The following CSMD1 variants were observed in gnomAD, a reference collection of about 807,000 sequenced individuals.
CSMD1 encodes the protein CUB and sushi domain-containing protein 1.
A neutral mutation model predicts 417.5 loss-of-function variants in CSMD1; 213 were observed. That is an observed-to-expected ratio of 0.51 (90% CI 0.46 to 0.57). The LOEUF (loss-of-function observed/expected upper bound fraction) is 0.57. Among genes scored for constraint, CSMD1 ranks in the 20% least tolerant of loss-of-function variants. The pLI is 0.00. For synonymous variants in CSMD1, 2,862 were observed against 1,736.8 expected, an observed-to-expected ratio of 1.65 and a Z score of -16.11; for missense variants, 6,923 against 4,529.7, an observed-to-expected ratio of 1.53 and a Z score of -15.17.
In CSMD1 at chr8:3,367,111, C is replaced by T. The variant is rs781560735; in HGVS notation, c.3036G>A (p.Leu1012=). 6 of 1,613,666 alleles carry T rather than the reference C, an allele frequency of 3.7e-6. No homozygotes were observed. The highest frequency in any genetic ancestry group is 2.2e-5 in the East Asian group (1 of 44,862). The part of the protein sequence containing the change: ...SVLPHTIKAG[L]FGNFTAQLRF... ...GAAGCTGGGCAGTGAAGTTTCCAAA[C>T]AGGCCTGCCTTGATCGTATGAGGCA... The change falls in exon 20 of 70, where the codon CTG becomes CTA. Residue 1012 remains leucine (L), a synonymous_variant. Transcript: ENST00000635120.
At chr8:4,776,338 G>A (rs1796851711) in intron 1 of CSMD1, among the ~76,000 whole-genome samples, 1 of 152,076 alleles carries the variant, frequency 6.6e-6, no homozygotes. Context: ...TGAAAATATT[G>A]CTACTAAGTT....
chr8:3,116,468 A>G (rs1474682975), intron 42 of CSMD1, among the ~76,000 whole-genome samples: 1 of 152,172 alleles, frequency 6.6e-6, no homozygotes, highest in East Asian at 1.9e-4. Context: ...TGATAGTTTT[A>G]GAGATGTCTC....
At chr8:4,547,507 C>A (rs919692214) in intron 2 of CSMD1, among the ~76,000 whole-genome samples, 5 of 152,038 alleles carry the variant, frequency 3.3e-5, no homozygotes, top group Non-Finnish European at 5.9e-5. Context: ...TTTTTTCTAC[C>A]AGGTCCCTAT....
At chr8:3,046,690 A>C (rs1811467060) in intron 50 of CSMD1, among the ~76,000 whole-genome samples, 1 of 152,076 alleles carries the variant, frequency 6.6e-6, no homozygotes, top group East Asian at 1.9e-4. Flanking sequence ...CCGGTGTCTA[A>C]TCAAATCATT....
intron 7 of CSMD1, among the ~76,000 whole-genome samples, chr8:3,642,122 C>A (rs535656115): frequency 2.1e-4 from 32 of 152,044 alleles, no homozygotes; most frequent in African/African-American, 7.7e-4. Flanking sequence ...AAAATGGAAA[C>A]TGGAAACTCA....
intron 23 of CSMD1, among the ~76,000 whole-genome samples, chr8:3,321,388 A>AG (rs1453615165): frequency 6.6e-6 from 1 of 152,130 alleles, no homozygotes; most frequent in Non-Finnish European, 1.5e-5. Context: ...AAGCTCCCTT[A>AG]CGGCTGCAGC....
intron 33 of CSMD1, among the ~76,000 whole-genome samples, chr8:3,192,614 A>T (rs939484568): frequency 6.6e-6 from 1 of 152,216 alleles, no homozygotes; most frequent in South Asian, 2.1e-4. Context: ...GCACTTTGGC[A>T]CAACGGAGAA....
At chr8:3,088,843 T>A (rs1312438899) in intron 48 of CSMD1, among the ~76,000 whole-genome samples, 33 of 114,010 alleles carry the variant, frequency 2.9e-4, no homozygotes, top group South Asian at 6.2e-4. Context: ...ACTGTGCTAG[T>A]AAAAAAAAAA....
At chr8:4,801,562 A>G (rs905959434) in intron 1 of CSMD1, among the ~76,000 whole-genome samples, 1 of 152,004 alleles carries the variant, frequency 6.6e-6, no homozygotes, top group African/African-American at 2.4e-5. Flanking sequence ...TATTAATTTA[A>G]CTCTTTTGCA....
chr8:3,351,819 T>G (rs1462497354), intron 21 of CSMD1, among the ~76,000 whole-genome samples: 1 of 150,572 alleles, frequency 6.6e-6, no homozygotes, highest in Non-Finnish European at 1.5e-5. Flanking sequence ...TACTCACTAT[T>G]TAATTTATAT....
chr8:3,363,160 T>C (rs893359267), intron 20 of CSMD1, among the ~76,000 whole-genome samples: 1 of 152,138 alleles, frequency 6.6e-6, no homozygotes. Flanking sequence ...CCACCCAAAT[T>C]AGCTGGCCTG....
chr8:4,575,557 C>T (rs1204632528), intron 2 of CSMD1, among the ~76,000 whole-genome samples: 1 of 152,148 alleles, frequency 6.6e-6, no homozygotes, highest in African/African-American at 2.4e-5. Context: ...CCATCAAACT[C>T]ACTTTGAGAC....
intron 42 of CSMD1, 87 bp from the exon 43 acceptor site, chr8:3,110,422 C>T: frequency 2.6e-6 from 3 of 1,140,386 alleles, no homozygotes; most frequent in East Asian, 2.8e-5. Flanking sequence ...AGTACCTTAG[C>T]CAACATTTTT....
chr8:4,759,583 G>A (rs1428598072), intron 1 of CSMD1, among the ~76,000 whole-genome samples: 1 of 152,074 alleles, frequency 6.6e-6, no homozygotes, highest in Admixed American at 6.6e-5. Flanking sequence ...CCCCCTGTCA[G>A]GTCCCCATGT....
intron 2 of CSMD1, among the ~76,000 whole-genome samples, chr8:4,545,374 T>C (rs1333673575): frequency 1.3e-5 from 2 of 152,210 alleles, no homozygotes; most frequent in African/African-American, 2.4e-5. Context: ...CCTCCAAATA[T>C]GGAGTTTTCA....
At position 3,753,986 on chromosome 8, in the gene CSMD1, A is replaced by C; in HGVS notation, c.875T>G (p.Leu292Arg). The C allele has an allele frequency of 6.2e-7, 1 of 1,613,192 alleles. No homozygotes were observed. The highest frequency in any genetic ancestry group is 8.5e-7 in the Non-Finnish European group (1 of 1,179,450). Residue 292 changes from leucine (L) to arginine (R), a missense_variant, in exon 6 of 70, where the codon CTC becomes CGC. Transcript: ENST00000635120. ...PVISSKNWLR[L>R]HFTSDSNHRR... Reference sequence around the variant, plus strand: ...GTGGTTGCTGTCAGAGGTGAAATGGAGTCGTAGCCAATTCTTGCTACTGAT... The same window carrying C: ...GTGGTTGCTGTCAGAGGTGAAATGGCGTCGTAGCCAATTCTTGCTACTGAT...
At chr8:3,874,337 G>A (rs1412262311) in intron 5 of CSMD1, among the ~76,000 whole-genome samples, 1 of 152,154 alleles carries the variant, frequency 6.6e-6, no homozygotes, top group Admixed American at 6.6e-5. Context: ...TATCTAAAGT[G>A]AGGTTTTGAA....
chr8:3,559,838 G>T (rs548845048), intron 10 of CSMD1, among the ~76,000 whole-genome samples: 1 of 152,124 alleles, frequency 6.6e-6, no homozygotes, highest in African/African-American at 2.4e-5. Context: ...AAAACATATG[G>T]CAAGACTACT....
intron 7 of CSMD1, among the ~76,000 whole-genome samples, chr8:3,642,859 A>G (rs1001123666): frequency 6.6e-6 from 1 of 151,960 alleles, no homozygotes; most frequent in African/African-American, 2.4e-5. Context: ...ATATCTATAT[A>G]TAGATTATAC....
Sources: gnomAD v4.1 joint callset for allele counts (sites outside exome capture counted in the v4.1 genomes callset) on GRCh38, gnomAD v4.1.1 for gene constraint, MANE v1.5 for transcripts, NCBI Gene and HGNC (gene_info 2026-07-23, HGNC 2026-07-21) for gene names.